The following DCAF16 variants were observed in gnomAD, a reference collection of about 807,000 sequenced individuals.
The protein encoded by DCAF16 is DDB1- and CUL4-associated factor 16.
In DCAF16, 10 loss-of-function variants were observed where a neutral mutation model predicts 17.3. The ratio of observed to expected loss-of-function variants is 0.58; its 90% CI spans 0.36 to 0.98. DCAF16 has a LOEUF of 0.98. Among genes scored for constraint, DCAF16 ranks in the 50% least tolerant of loss-of-function variants. The pLI is 0.01. For missense variants in DCAF16, 249 were observed against 247.6 expected (o/e 1.01, Z -0.04); for synonymous variants, 111 against 92.8 (o/e 1.20, Z -1.12).
chr4:17,805,645 A>C (rs1489349286), intron 1 of DCAF16, among the ~76,000 whole-genome samples: 1 of 152,244 alleles, frequency 6.6e-6, no homozygotes, highest in Non-Finnish European at 1.5e-5. Context: ...ATCCTGAATA[A>C]GATGAGATAC....
Position 17,804,120 on chromosome 4 carries a change from G to C in DCAF16, c.22C>G (p.Pro8Ala). 2 of 1,613,762 alleles carry C rather than the reference G, an allele frequency of 1.2e-6. No homozygotes were observed. MGPRNPS[P>A]DHLSESESEE... is the part of the protein sequence containing the mutation. ...CTTTCTGATTCTGACAAGTGGTCAGGAGAGGGATTTCTAGGACCCATCAGA... is the reference window on the plus strand; with the variant it reads ...CTTTCTGATTCTGACAAGTGGTCAGCAGAGGGATTTCTAGGACCCATCAGA... The change falls in exon 3 of 3, where the codon CCT (proline) becomes GCT (alanine). Residue 8 changes from proline to alanine, a missense_variant. Transcript: ENST00000382247.
At chr4:17,805,061 A>G (rs1440559762) in intron 2 of DCAF16, 46 bp downstream of exon 2, 1 of 150,088 alleles carries the variant, frequency 6.7e-6, no homozygotes, top group African/African-American at 2.5e-5. Context: ...TATGCCCCAA[A>G]CTCCAAATAG....
downstream of DCAF16, among the ~76,000 whole-genome samples, chr4:17,797,867 TGCC>T (rs1719497962): frequency 6.6e-6 from 1 of 152,178 alleles, no homozygotes; most frequent in Non-Finnish European, 1.5e-5. Flanking sequence ...GAGTGTCAGG[TGCC>T]ACAGCTGATA....
At chr4:17,797,162 C>A (rs1719466993), downstream of DCAF16, among the ~76,000 whole-genome samples, 1 of 152,122 alleles carries the variant, frequency 6.6e-6, no homozygotes, top group South Asian at 2.1e-4. Context: ...AAGAAAACAA[C>A]ACATACTGGA....
chr4:17,798,463 T>C (rs1227760123), downstream of DCAF16, among the ~76,000 whole-genome samples: 1 of 151,858 alleles, frequency 6.6e-6, no homozygotes, highest in African/African-American at 2.4e-5. Flanking sequence ...TGTGTGGTGG[T>C]GTGCACCTGT....
In DCAF16 at chr4:17,804,114, G is replaced by C. The variant is rs768242452; in HGVS notation, c.28C>G (p.His10Asp). ...TCCTCACTTTCTGATTCTGACAAGT[G>C]GTCAGGAGAGGGATTTCTAGGACCC... MGPRNPSPD[H>D]LSESESEEEE... Residue 10 changes from histidine (H) to aspartate (D), a missense_variant, in exon 3 of 3, where the codon CAC becomes GAC. His to Asp is a moderately conservative substitution (Grantham distance 81). Coordinates refer to ENST00000382247, the MANE Select transcript of DCAF16 (RefSeq NM_017741.4). 5 of 1,613,908 alleles carry C rather than the reference G, an allele frequency of 3.1e-6. No homozygotes were observed. The South Asian group carries it at 5.5e-5, about 18-fold the overall frequency.
chr4:17,795,556 T>C, the DCAF16 span, among the ~76,000 whole-genome samples: 5 of 152,330 alleles, frequency 3.3e-5, no homozygotes, highest in African/African-American at 9.6e-5. Context: ...GCTTTTCATC[T>C]CTTTGTTCTA....
intron 1 of DCAF16, among the ~76,000 whole-genome samples, chr4:17,809,207 C>T (rs1340638865): frequency 6.6e-6 from 1 of 152,054 alleles, no homozygotes; most frequent in Non-Finnish European, 1.5e-5. Context: ...CTGTCTGTGC[C>T]GTAGTTTCCT....
In DCAF16 at chr4:17,804,058, A is replaced by C. The variant is rs755119876; in HGVS notation, c.84T>G (p.Ser28Arg). The stretch of plus-strand genomic sequence containing the variant: ...CAGAGGAATCCCACTCTTCCCCAGA[A>C]CTCTCATTTAGGTAACTAATATTTT... ...EEENISYLNESSGEEWDSSEE... is the reference protein window; with the variant it reads ...EEENISYLNERSGEEWDSSEE... Residue 28 changes from serine to arginine, a missense_variant, in exon 3 of 3, where the codon AGT (serine) becomes AGG (arginine). Coordinates refer to ENST00000382247, the MANE Select transcript of DCAF16 (RefSeq NM_017741.4). 13 of 1,614,062 alleles carry C rather than the reference A, an allele frequency of 8.1e-6. No homozygotes were observed. Among genetic ancestry groups the C allele is most frequent in the Non-Finnish European group, 1.1e-5 (13 of 1,179,992 alleles).
chr4:17,798,741 T>G (rs892361942), downstream of DCAF16, among the ~76,000 whole-genome samples: 3 of 152,224 alleles, frequency 2.0e-5, no homozygotes, highest in Non-Finnish European at 2.9e-5. Context: ...CCTTTCCATT[T>G]CTTGGTCTCA....
At chr4:17,808,148 A>G (rs1720501963) in intron 1 of DCAF16, among the ~76,000 whole-genome samples, 1 of 152,252 alleles carries the variant, frequency 6.6e-6, no homozygotes, top group African/African-American at 2.4e-5. Flanking sequence ...ATGCTACTAC[A>G]GCAATATAAA....
rs889325788 is a variant in DCAF16, at chr4:17,805,168, T to C, written c.-692A>G. 4 of 151,340 alleles carry C rather than the reference T, an allele frequency of 2.6e-5. No individual in the cohort carries two copies. Among genetic ancestry groups the C allele is most frequent in the African/African-American group, 7.3e-5 (3 of 41,032 alleles). 9.4% of individuals were successfully genotyped at this position (151,340 alleles called of 1,614,324 possible). ...CTGTCCTGGTGGTAGAGCTGCTAGA[T>C]GTTAGGACTCTTGCTGGGACCTCAG... is the stretch of plus-strand genomic sequence containing the variant. On this transcript the variant is annotated 5_prime_UTR_variant, in exon 2 of 3. Coordinates refer to ENST00000382247, the MANE Select transcript of DCAF16 (RefSeq NM_017741.4).
At chr4:17,808,707 G>GAGACA (rs1560215921) in intron 1 of DCAF16, among the ~76,000 whole-genome samples, 3 of 152,136 alleles carry the variant, frequency 2.0e-5, no homozygotes, top group African/African-American at 7.2e-5. Flanking sequence ...TGATGTCTCT[G>GAGACA]TTGGTGAGAC....
At position 17,804,138 on chromosome 4, in the gene DCAF16, C is replaced by T. The variant is rs1026773263; in HGVS notation, c.4G>A (p.Gly2Ser). Residue 2 changes from glycine to serine, a missense_variant, in exon 3 of 3, where the codon GGT becomes AGT. Physicochemically the swap from Gly to Ser is moderately conservative, Grantham distance 56 (BLOSUM62 0). Transcript: ENST00000382247. M[G>S]PRNPSPDHLS... ...TGGTCAGGAGAGGGATTTCTAGGACCCATCAGAATAAAACACAGTAAGGAA... is the reference window on the plus strand; with the variant it reads ...TGGTCAGGAGAGGGATTTCTAGGACTCATCAGAATAAAACACAGTAAGGAA... 1.1e-5 allele frequency: 17 copies of T among 1,611,756 alleles called. No individual in the cohort carries two copies. Among genetic ancestry groups the T allele is most frequent in the African/African-American group, 2.7e-5 (2 of 74,620 alleles).
At chr4:17,797,994 G>A (rs1444792942), downstream of DCAF16, among the ~76,000 whole-genome samples, 1 of 152,158 alleles carries the variant, frequency 6.6e-6, no homozygotes, top group Non-Finnish European at 1.5e-5. Context: ...CTCATTTGAG[G>A]AGTTTCATCT....
rs1560210747 is a variant in DCAF16, at chr4:17,803,785, A to ATTTT, written c.356_357insAAAA (p.Cys119Ter). ...GAGGCTTTTGAAAAGGTGGGACTCC[A>ATTTT]CAAGAGGCCAGAGGGGGCCATTCAG... On this transcript the variant is annotated stop_gained and frameshift_variant, in exon 3 of 3. Transcript: ENST00000382247. LOFTEE classifies it high-confidence loss of function. The ATTTT allele has an allele frequency of 5.6e-6, 9 of 1,614,206 alleles. No individual in the cohort carries two copies. The South Asian group carries it at 8.8e-5, about 16-fold the overall frequency.
Position 17,802,716 on chromosome 4 carries a change from A to C in DCAF16, c.*775T>G, listed in dbSNP as rs1252616051. On this transcript the variant is annotated 3_prime_UTR_variant, in exon 3 of 3. Coordinates refer to ENST00000382247, the MANE Select transcript of DCAF16 (RefSeq NM_017741.4). The stretch of plus-strand genomic sequence containing the variant: ...TAGGCACATCTATATAAAAGCTGGG[A>C]AAGAAATTCATAGCCCTGCCATTTT... 1 of 152,052 alleles carries C rather than the reference A, an allele frequency of 6.6e-6. No individual in the cohort carries two copies. The highest frequency in any genetic ancestry group is 2.4e-5 in the African/African-American group (1 of 41,416). The allele number at this position is 152,052 out of a possible 1,614,324, so 9.4% of individuals were successfully genotyped here.
chr4:17,803,713 T>C lies in DCAF16; in HGVS notation c.429A>G (p.Gly143=). The C allele has an allele frequency of 6.2e-7, 1 of 1,614,172 alleles. No individual in the cohort carries two copies. The highest frequency in any genetic ancestry group is 8.5e-7 in the Non-Finnish European group (1 of 1,180,038). ...GCTGTTTGGTGGCAAATTGCAGTGC[T>C]CCATTTAGAGTGGCATGATCTCTAG... The part of the protein sequence containing the change: ...RLSRDHATLN[G]ALQFATKQLS... The change falls in exon 3 of 3, where the codon GGA becomes GGG. Residue 143 remains glycine (G), a synonymous_variant. Coordinates refer to ENST00000382247, the MANE Select transcript of DCAF16 (RefSeq NM_017741.4).
At position 17,804,121 on chromosome 4, in the gene DCAF16, A is replaced by G. The variant is rs1720076383; in HGVS notation, c.21T>C (p.Ser7=). The G allele has an allele frequency of 6.2e-7, 1 of 1,613,820 alleles. No homozygotes were observed. ...TTTCTGATTCTGACAAGTGGTCAGG[A>G]GAGGGATTTCTAGGACCCATCAGAA... The part of the protein sequence containing the change: MGPRNP[S]PDHLSESESE... Residue 7 remains serine (S), a synonymous_variant, in exon 3 of 3, where the codon TCT becomes TCC. Transcript: ENST00000382247.
Sources: gnomAD v4.1 joint callset for allele counts (sites outside exome capture counted in the v4.1 genomes callset) on GRCh38, gnomAD v4.1.1 for gene constraint, MANE v1.5 for transcripts, NCBI Gene and HGNC (gene_info 2026-07-23, HGNC 2026-07-21) for gene names.